DLGAP2: variants seen among roughly 807,000 people sequenced by gnomAD.
DLGAP2 encodes the protein disks large-associated protein 2.
A neutral mutation model predicts 100.3 loss-of-function variants in DLGAP2; 26 were observed. That is an observed-to-expected ratio of 0.26 (90% CI 0.19 to 0.36). The LOEUF (loss-of-function observed/expected upper bound fraction) is 0.36. Ranked by LOEUF, DLGAP2 falls within the 10% of genes least tolerant of loss-of-function variation. The pLI is 1.00. For missense variants in DLGAP2, 1,858 were observed against 1,453.2 expected, an observed-to-expected ratio of 1.28 and a Z score of -4.53; for synonymous variants, 886 against 630.1, an observed-to-expected ratio of 1.41 and a Z score of -6.08.
intron 3 of DLGAP2, among the ~76,000 whole-genome samples, chr8:1,263,079 C>A (rs185554847): frequency 2.0e-5 from 3 of 152,086 alleles, no homozygotes; most frequent in Non-Finnish European, 2.9e-5. Flanking sequence ...GAAATAAAAT[C>A]AGCTATTAAT....
At position 1,666,796 on chromosome 8, in the gene DLGAP2, A is replaced by T. The variant is rs369376625; in HGVS notation, c.1811-1533A>T. ...CGTTTGTCCTTGTTAACTCGGGATG[A>T]CATTAGAGGTCAGAGTGGATTAGGA... is the stretch of plus-strand genomic sequence containing the variant. On this transcript the variant is annotated intron_variant, in intron 8 of 14. Coordinates refer to ENST00000637795, the MANE Select transcript of DLGAP2 (RefSeq NM_001346810.2). 1.9e-3 allele frequency among the ~76,000 whole-genome samples: 289 copies of T among 152,282 alleles called. 10 individuals are homozygous for T. The South Asian group carries it at 0.058, about 31-fold the overall frequency.
At chr8:1,306,173 T>C (rs1371862934) in intron 3 of DLGAP2, among the ~76,000 whole-genome samples, 1 of 151,114 alleles carries the variant, frequency 6.6e-6, no homozygotes, top group Non-Finnish European at 1.5e-5. Flanking sequence ...ATCTTATATG[T>C]AGAAAACTGT....
At chr8:1,541,777 C>A (rs537129214) in intron 4 of DLGAP2, among the ~76,000 whole-genome samples, 1 of 152,350 alleles carries the variant, frequency 6.6e-6, no homozygotes, top group Non-Finnish European at 1.5e-5. Flanking sequence ...GTAACTCAAA[C>A]TCACATTATC....
chr8:824,194 C>T (rs1291623802), intron 1 of DLGAP2, among the ~76,000 whole-genome samples: 1 of 152,164 alleles, frequency 6.6e-6, no homozygotes, highest in Admixed American at 6.5e-5. Context: ...CCCATCTCAG[C>T]CTCCTGAGTA....
intron 3 of DLGAP2, among the ~76,000 whole-genome samples, chr8:1,470,620 A>T (rs1798753127): frequency 6.6e-6 from 1 of 152,176 alleles, no homozygotes; most frequent in Non-Finnish European, 1.5e-5. Flanking sequence ...CTGAATAAAT[A>T]GTTTAACAGA....
intron 2 of DLGAP2, among the ~76,000 whole-genome samples, chr8:1,224,602 C>G (rs1798378187): frequency 6.6e-6 from 1 of 152,004 alleles, no homozygotes; most frequent in South Asian, 2.1e-4. Context: ...ATTGTTAAGC[C>G]TTTTATTAAC....
intron 3 of DLGAP2, among the ~76,000 whole-genome samples, chr8:1,448,692 C>G (rs1798051827): frequency 6.6e-6 from 1 of 152,154 alleles, no homozygotes; most frequent in South Asian, 2.1e-4. Context: ...ATCTTGAAGA[C>G]TTTGATAGTT....
At chr8:1,061,849 G>T (rs1218202310) in intron 2 of DLGAP2, among the ~76,000 whole-genome samples, 2 of 151,998 alleles carry the variant, frequency 1.3e-5, no homozygotes, top group Admixed American at 6.6e-5. Context: ...ACGTCGCTGG[G>T]AGGAGCTGCT....
chr8:1,678,461 G>A lies in DLGAP2; in HGVS notation c.2536G>A (p.Asp846Asn). The change falls in exon 12 of 15, where the codon GAC becomes AAC. Residue 846 changes from aspartate (D) to asparagine (N), a missense_variant. Physicochemically the swap from Asp to Asn is conservative, Grantham distance 23. Transcript: ENST00000637795. The part of the protein sequence containing the change: ...QVDTSTLPPP[D>N]PWLEPAIDTV... Reference sequence around the variant, plus strand: ...GGACACCTCCACCCTGCCCCCTCCAGACCCCTGGCTGGAGCCCGCCATCGA... The same window carrying A: ...GGACACCTCCACCCTGCCCCCTCCAAACCCCTGGCTGGAGCCCGCCATCGA... The A allele has an allele frequency of 6.2e-7, 1 of 1,613,436 alleles. No homozygotes were observed. The highest frequency in any genetic ancestry group is 2.2e-5 in the East Asian group (1 of 44,844).
chr8:1,449,650 C>G (rs1158088649), intron 3 of DLGAP2, among the ~76,000 whole-genome samples: 1 of 152,190 alleles, frequency 6.6e-6, no homozygotes, highest in Non-Finnish European at 1.5e-5. Flanking sequence ...CCCTGGGCCA[C>G]ACTTGGAAAG....
At chr8:1,229,342 G>A in intron 2 of DLGAP2, among the ~76,000 whole-genome samples, 1 of 151,838 alleles carries the variant, frequency 6.6e-6, no homozygotes, top group Non-Finnish European at 1.5e-5. Context: ...ATTCAAGTAT[G>A]AATCCATCTG....
Position 1,552,310 on chromosome 8 carries a change from A to G in DLGAP2, c.1230+2627A>G, listed in dbSNP as rs73174704. ...GTTCACAAGGGCGTTTTCTTGCAGT[A>G]GCAAGCTTCCCCCATCCCCACATCC... On this transcript the variant is annotated intron_variant, in intron 5 of 14. Coordinates refer to ENST00000637795, the MANE Select transcript of DLGAP2 (RefSeq NM_001346810.2). Among the ~76,000 whole-genome samples, 1,195 of 152,362 alleles carry G rather than the reference A, an allele frequency of 7.8e-3. 9 individuals carry two copies. The highest frequency in any genetic ancestry group is 0.013 in the Non-Finnish European group (879 of 68,034).
At chr8:812,186 C>T (rs192442367) in intron 1 of DLGAP2, among the ~76,000 whole-genome samples, 2 of 152,262 alleles carry the variant, frequency 1.3e-5, no homozygotes, top group Non-Finnish European at 2.9e-5. Flanking sequence ...GCAGGGTGGG[C>T]CAGCAGGCAG....
intron 2 of DLGAP2, among the ~76,000 whole-genome samples, chr8:981,844 A>G (rs549101579): frequency 1.4e-4 from 22 of 152,202 alleles, no homozygotes; most frequent in Non-Finnish European, 2.4e-4. Flanking sequence ...GTTTGAAACT[A>G]TTTGCTCTTG....
intron 2 of DLGAP2, among the ~76,000 whole-genome samples, chr8:1,163,343 G>C (rs964563211): frequency 1.3e-5 from 2 of 152,222 alleles, no homozygotes; most frequent in African/African-American, 4.8e-5. Context: ...CCTTCCCGGG[G>C]TGTCGTGTTC....
At chr8:872,526 T>A (rs997492720) in intron 1 of DLGAP2, among the ~76,000 whole-genome samples, 2 of 152,044 alleles carry the variant, frequency 1.3e-5, no homozygotes, top group African/African-American at 4.8e-5. Context: ...GAGATGGGGT[T>A]TCTCCATGTT....
At chr8:1,380,953 A>AC (rs1383339170) in intron 3 of DLGAP2, 2 of 139,566 alleles carry the variant, frequency 1.4e-5, no homozygotes, top group African/African-American at 6.0e-5. Flanking sequence ...AAAAAAAAAA[A>AC]AAAAAAACAC....
intron 2 of DLGAP2, among the ~76,000 whole-genome samples, chr8:915,190 T>G (rs569602092): frequency 6.6e-6 from 1 of 152,300 alleles, no homozygotes; most frequent in South Asian, 2.1e-4. Flanking sequence ...TCAGCCTGCA[T>G]CTGTGTGGAT....
chr8:902,890 TG>T (rs1798287720), intron 1 of DLGAP2, among the ~76,000 whole-genome samples: 1 of 28,054 alleles, frequency 3.6e-5, no homozygotes, highest in African/African-American at 1.6e-4. Context: ...TGGGCAGGGG[TG>T]GGTGGGTGGA....
Sources: gnomAD v4.1 joint callset for allele counts (sites outside exome capture counted in the v4.1 genomes callset) on GRCh38, gnomAD v4.1.1 for gene constraint, MANE v1.5 for transcripts, NCBI Gene and HGNC (gene_info 2026-07-23, HGNC 2026-07-21) for gene names.